Variants in SLC22A13 observed in about 807,000 individuals in gnomAD.
SLC22A13 encodes organic anion transporter 10.
Under a neutral mutation model 49.1 loss-of-function variants are expected in SLC22A13, and 42 were observed. The observed-to-expected ratio is 0.85, with a 90% CI of 0.67 to 1.11. The LOEUF is 1.11. Among genes scored for constraint, SLC22A13 ranks in the 50% least tolerant of loss-of-function variants. The pLI is 0.00. For synonymous variants in SLC22A13, 282 were observed against 293.1 expected (o/e 0.96, Z 0.39); for missense variants, 694 against 712.8 (o/e 0.97, Z 0.30).
chr3:38,267,978 A>G (rs767800955), intron 1 of SLC22A13, among the ~76,000 whole-genome samples: 1 of 152,154 alleles, frequency 6.6e-6, no homozygotes, highest in African/African-American at 2.4e-5. Flanking sequence ...GGGTAGGGGT[A>G]TAGGAATTAG....
At position 38,265,958 on chromosome 3, in the gene SLC22A13, C is replaced by T. The variant is rs1220893605; in HGVS notation, c.98C>T (p.Pro33Leu). ...ILLCVLNFLS[P>L]FYFFAHVFMV... ...CTGTGTGTTCTCAACTTCCTGTCTCCCTTCTACTTTTTTGCCCATGTCTTC... is the reference window on the plus strand; with the variant it reads ...CTGTGTGTTCTCAACTTCCTGTCTCTCTTCTACTTTTTTGCCCATGTCTTC... The change falls in exon 1 of 10, where the codon CCC (proline) becomes CTC (leucine). Residue 33 changes from proline to leucine, a missense_variant. Transcript: ENST00000311856. 2 of 1,614,168 alleles carry T rather than the reference C, an allele frequency of 1.2e-6. No individual in the cohort carries two copies. The highest frequency in any genetic ancestry group is 2.2e-5 in the East Asian group (1 of 44,886).
In SLC22A13 at chr3:38,275,094, G is replaced by T. The variant is rs542608978; in HGVS notation, c.743G>T (p.Arg248Leu). 4.3e-6 allele frequency: 7 copies of T among 1,614,112 alleles called. No individual in the cohort carries two copies. In the African/African-American group the frequency reaches 9.3e-5, roughly 22 times the overall value. Reference protein sequence around the residue: ...MVLAGLAYGFRNWRLLQITGT... With the variant: ...MVLAGLAYGFLNWRLLQITGT... ...CTTGCGGGACTCGCCTACGGTTTCCGCAACTGGAGGCTCCTTCAGATCACC... is the reference window on the plus strand; with the variant it reads ...CTTGCGGGACTCGCCTACGGTTTCCTCAACTGGAGGCTCCTTCAGATCACC... Residue 248 changes from arginine to leucine, a missense_variant, in exon 4 of 10, where the codon CGC becomes CTC. Arg to Leu is a moderately radical substitution (Grantham distance 102). Coordinates refer to ENST00000311856, the MANE Select transcript of SLC22A13 (RefSeq NM_004256.4).
rs148773649 is a variant in SLC22A13, at chr3:38,275,405, G to A, written c.842G>A (p.Arg281His). The A allele has an allele frequency of 1.8e-4, 285 of 1,614,178 alleles. No homozygotes were observed. Among genetic ancestry groups the A allele is most frequent in the African/African-American group, 4.3e-4 (32 of 75,046 alleles). The change falls in exon 5 of 10, where the codon CGT becomes CAT. Residue 281 changes from arginine (R) to histidine (H), a missense_variant. By Grantham distance (29) the Arg-to-His change is conservative (BLOSUM62 0). Transcript: ENST00000311856. ...GAATCTGCACGTTGGCTCCTGACCC[G>A]TGGGAGGATGGACGAGGCGATACAA... ...LPESARWLLT[R>H]GRMDEAIQLI...
chr3:38,273,156 C>T (rs1173416998), intron 1 of SLC22A13, among the ~76,000 whole-genome samples: 4 of 152,178 alleles, frequency 2.6e-5, no homozygotes, highest in Non-Finnish European at 4.4e-5. Flanking sequence ...GGGCTGTGTT[C>T]AAGAGGCATG....
chr3:38,270,043 G>T (rs1024988140), intron 1 of SLC22A13, among the ~76,000 whole-genome samples: 1 of 152,052 alleles, frequency 6.6e-6, no homozygotes, highest in Non-Finnish European at 1.5e-5. Context: ...CAAAGGACAT[G>T]AACTCCTCAT....
At chr3:38,269,607 G>C (rs943261824) in intron 1 of SLC22A13, among the ~76,000 whole-genome samples, 4 of 152,102 alleles carry the variant, frequency 2.6e-5, no homozygotes, top group African/African-American at 9.7e-5. Flanking sequence ...GTGTGATGGC[G>C]ACAAAAGCTG....
chr3:38,272,178 AT>A (rs1385229205), intron 1 of SLC22A13, among the ~76,000 whole-genome samples: 3 of 152,264 alleles, frequency 2.0e-5, no homozygotes, highest in African/African-American at 7.2e-5. Flanking sequence ...GAGGTAGTGA[AT>A]GGTGGCTGTT....
rs1703550915 is a variant in SLC22A13, at chr3:38,274,277, C to T, written c.384C>T (p.Asn128=). The stretch of plus-strand genomic sequence containing the variant: ...TCTGCCTGTGTCTCCCTCAGTTCAA[C>T]CTGGTTTGTGATCGGAAGCACCTGA... ...NRLPSLKNEF[N]LVCDRKHLKD... is the part of the protein sequence containing the mutation. The change falls in exon 2 of 10, where the codon AAC becomes AAT. Residue 128 remains asparagine (N), a synonymous_variant. Coordinates refer to ENST00000311856, the MANE Select transcript of SLC22A13 (RefSeq NM_004256.4). The T allele has an allele frequency of 1.2e-6, 2 of 1,613,488 alleles. No homozygotes were observed. The highest frequency in any genetic ancestry group is 1.7e-6 in the Non-Finnish European group (2 of 1,179,518).
chr3:38,274,522 A>G (rs1703554509), intron 2 of SLC22A13, 82 bp from the exon 3 acceptor site: 8 of 1,521,120 alleles, frequency 5.3e-6, no homozygotes, highest in Non-Finnish European at 7.2e-6. Flanking sequence ...AGACCCCAGG[A>G]CAGGGCTGGG....
At chr3:38,267,397 T>C (rs534927462) in intron 1 of SLC22A13, among the ~76,000 whole-genome samples, 3 of 147,290 alleles carry the variant, frequency 2.0e-5, no homozygotes, top group Non-Finnish European at 4.5e-5. Context: ...TAGCCCCTTC[T>C]GACCCTTACT....
intron 2 of SLC22A13, 41 bp downstream of exon 2, chr3:38,274,416 G>A (rs371698610): frequency 1.4e-5 from 22 of 1,558,178 alleles, no homozygotes; most frequent in Middle Eastern, 1.7e-4. Flanking sequence ...TAGCAAGCTC[G>A]TCAGCTCTGG....
rs773819764 is a variant in SLC22A13 at position 38,276,029 on chromosome 3, G to A, written c.1170G>A (p.Lys390=). 17 of 1,614,170 alleles carry A rather than the reference G, an allele frequency of 1.1e-5. No homozygotes were observed. In the East Asian group the frequency reaches 3.8e-4, roughly 36 times the overall value. Reference sequence around the variant, plus strand: ...TCATGATGCAGAGGTTTGGCCGCAAGTGGAGCCAGTTGGGGACCTTGGTCT... The same window carrying A: ...TCATGATGCAGAGGTTTGGCCGCAAATGGAGCCAGTTGGGGACCTTGGTCT... The part of the protein sequence containing the change: ...SIFMMQRFGR[K]WSQLGTLVLG... The change falls in exon 7 of 10, where the codon AAG becomes AAA. Residue 390 remains lysine, a synonymous_variant. Coordinates refer to ENST00000311856, the MANE Select transcript of SLC22A13 (RefSeq NM_004256.4).
chr3:38,266,124 A>G lies in SLC22A13; in HGVS notation c.264A>G (p.Pro88=), dbSNP rs779846585. 1.2e-6 allele frequency: 2 copies of G among 1,608,332 alleles called. No individual in the cohort carries two copies. Among genetic ancestry groups the G allele is most frequent in the Admixed American group, 1.7e-5 (1 of 59,546 alleles). ...GHPEPCLMFR[P]PPANASLQDI... is the part of the protein sequence containing the mutation. Reference sequence around the variant, plus strand: ...CAGAGCCCTGCCTCATGTTCCGGCCACCCCCCGCCAATGCCAGCCTGCAGG... The same window carrying G: ...CAGAGCCCTGCCTCATGTTCCGGCCGCCCCCCGCCAATGCCAGCCTGCAGG... The change falls in exon 1 of 10, where the codon CCA becomes CCG. Residue 88 remains proline, a synonymous_variant. Transcript: ENST00000311856.
At chr3:38,266,342 A>G (rs924819717) in intron 1 of SLC22A13, 104 bp downstream of exon 1, 2 of 1,345,828 alleles carry the variant, frequency 1.5e-6, no homozygotes, top group Admixed American at 2.0e-5. Context: ...CCCCATGCCC[A>G]TATGGTCAAC....
chr3:38,274,450 C>T (rs1269357897), intron 2 of SLC22A13, 75 bp downstream of exon 2: 1 of 1,442,766 alleles, frequency 6.9e-7, no homozygotes, highest in Non-Finnish European at 9.8e-7. Flanking sequence ...CCCCCTTATG[C>T]CCCTTACACT....
In SLC22A13 at chr3:38,276,954, G is replaced by A. The variant is rs760711508; in HGVS notation, c.1389G>A (p.Gly463=). The change falls in exon 9 of 10, where the codon GGG becomes GGA. Residue 463 remains glycine (G), a synonymous_variant. Transcript: ENST00000311856. ...MGLVGIFSRI[G]GILTPLVILL... ...TGGTGGGCATCTTCTCACGGATCGG[G>A]GGCATCCTCACACCACTTGTGATCC... 6.2e-7 allele frequency: 1 copy of A among 1,613,886 alleles called. No individual in the cohort carries two copies. Among genetic ancestry groups the A allele is most frequent in the Admixed American group, 1.7e-5 (1 of 59,988 alleles).
At chr3:38,267,932 A>T (rs1703480382) in intron 1 of SLC22A13, among the ~76,000 whole-genome samples, 1 of 152,152 alleles carries the variant, frequency 6.6e-6, no homozygotes, top group Non-Finnish European at 1.5e-5. Context: ...ATGTCTGGGG[A>T]GCAGTGGGTG....
rs751495301 is a variant in SLC22A13 at position 38,275,457 on chromosome 3, T to C, written c.894T>C (p.Asn298=). ...TGATCCAGAAGGCGGCCTCGGTCAA[T>C]AGGCGGAAACTCTCCCCGGAGCTCA... ...IQLIQKAASV[N]RRKLSPELMN... The change falls in exon 5 of 10, where the codon AAT becomes AAC. Residue 298 remains asparagine, a synonymous_variant. Transcript: ENST00000311856. 3 of 1,614,168 alleles carry C rather than the reference T, an allele frequency of 1.9e-6. No individual in the cohort carries two copies. Among genetic ancestry groups the C allele is most frequent in the South Asian group, 1.1e-5 (1 of 91,088 alleles).
intron 7 of SLC22A13, 71 bp downstream of exon 7, chr3:38,276,167 C>T (rs1703581619): frequency 1.3e-6 from 2 of 1,503,106 alleles, no homozygotes; most frequent in Admixed American, 1.8e-5. Context: ...GACCAGTGGC[C>T]ATTGTTCTGC....
Sources: gnomAD v4.1 joint callset for allele counts (sites outside exome capture counted in the v4.1 genomes callset) on GRCh38, gnomAD v4.1.1 for gene constraint, MANE v1.5 for transcripts, NCBI Gene and HGNC (gene_info 2026-07-23, HGNC 2026-07-21) for gene names.